Variants in RASGRP3 observed in about 807,000 individuals in gnomAD.
The protein encoded by RASGRP3 is ras guanyl-releasing protein 3.
In RASGRP3, 54 loss-of-function variants were observed where a neutral mutation model predicts 82.7. That is an observed-to-expected ratio of 0.65 (90% confidence interval 0.52 to 0.82). The LOEUF is 0.82. RASGRP3 is among the 40% of genes least tolerant of loss of function. RASGRP3 has a pLI of 0.00. For synonymous variants in RASGRP3, 309 were observed against 300.5 expected, an observed-to-expected ratio of 1.03 and a Z score of -0.29; for missense variants, 861 against 828.9, an observed-to-expected ratio of 1.04 and a Z score of -0.48.
At chr2:33,520,444 G>A in intron 5 of RASGRP3, 109 bp from the exon 6 acceptor site, 2 of 1,390,514 alleles carry the variant, frequency 1.4e-6, no homozygotes, top group Non-Finnish European at 1.0e-6. Flanking sequence ...GTGTGGTCCT[G>A]GATGGTCCTG....
At chr2:33,456,899 T>C (rs1033318238) in intron 2 of RASGRP3, among the ~76,000 whole-genome samples, 4 of 120,804 alleles carry the variant, frequency 3.3e-5, no homozygotes, top group Admixed American at 1.7e-4. Context: ...TGCTAAGTGC[T>C]TTCTATTTTT....
At chr2:33,454,700 T>A (rs1279374270) in intron 2 of RASGRP3, among the ~76,000 whole-genome samples, 1 of 152,186 alleles carries the variant, frequency 6.6e-6, no homozygotes, top group African/African-American at 2.4e-5. Context: ...ATAGGGTGTT[T>A]AGGCTGGGGG....
At chr2:33,518,679 A>ATCTT (rs1356608834) in intron 4 of RASGRP3, among the ~76,000 whole-genome samples, 1 of 152,066 alleles carries the variant, frequency 6.6e-6, no homozygotes, top group Non-Finnish European at 1.5e-5. Flanking sequence ...CTTTCTTAAT[A>ATCTT]TCTTTATTCT....
chr2:33,503,096 T>C (rs1422798732), intron 1 of RASGRP3, among the ~76,000 whole-genome samples: 2 of 152,246 alleles, frequency 1.3e-5, no homozygotes, highest in East Asian at 3.8e-4. Context: ...ATTGTTCTAA[T>C]GGAAAATATA....
intron 10 of RASGRP3, among the ~76,000 whole-genome samples, chr2:33,530,229 T>C (rs773099876): frequency 6.6e-6 from 1 of 152,166 alleles, no homozygotes; most frequent in Non-Finnish European, 1.5e-5. Context: ...CCTGAAGTGA[T>C]TGTTTTCATC....
chr2:33,470,953 C>CA (rs1206933836), intron 2 of RASGRP3, among the ~76,000 whole-genome samples: 3 of 151,986 alleles, frequency 2.0e-5, no homozygotes, highest in Admixed American at 2.0e-4. Context: ...TGCCTGGTTG[C>CA]AGTGGCTCAA....
At position 33,520,670 on chromosome 2, in the gene RASGRP3, C is replaced by A. The variant is rs745628834; in HGVS notation, c.354C>A (p.Ile118=). The change falls in exon 6 of 18, where the codon ATC becomes ATA. Residue 118 remains isoleucine, a synonymous_variant. Transcript: ENST00000403687. ...QLGYEKHVSL[I]DISSIPSYDW... ...GATATGAAAAACACGTCAGCCTCAT[C>A]GACATATCCAGCATGTAAGAGTGGC... 6.2e-7 allele frequency: 1 copy of A among 1,613,912 alleles called. No homozygotes were observed. Among genetic ancestry groups the A allele is most frequent in the Non-Finnish European group, 8.5e-7 (1 of 1,179,848 alleles).
At chr2:33,545,367 C>T (rs1444683953) in intron 13 of RASGRP3, among the ~76,000 whole-genome samples, 1 of 152,160 alleles carries the variant, frequency 6.6e-6, no homozygotes, top group Non-Finnish European at 1.5e-5. Context: ...TTAATTAGTA[C>T]TTTTGAAAAA....
chr2:33,438,102 T>G (rs1484021780), intron 1 of RASGRP3, among the ~76,000 whole-genome samples: 2 of 152,244 alleles, frequency 1.3e-5, no homozygotes, highest in Non-Finnish European at 2.9e-5. Context: ...ACGTTCACAT[T>G]TGACACATTC....
At chr2:33,483,973 A>G (rs555103498) in intron 1 of RASGRP3, among the ~76,000 whole-genome samples, 1 of 152,338 alleles carries the variant, frequency 6.6e-6, no homozygotes, top group South Asian at 2.1e-4. Context: ...GAACTCAGAC[A>G]GAGAGGTGAT....
chr2:33,476,528 T>A (rs909131933), upstream of RASGRP3: 1 of 152,236 alleles, frequency 6.6e-6, no homozygotes, highest in African/African-American at 2.4e-5. Flanking sequence ...AGGAGAAGAA[T>A]GATCTTCAGT....
intron 4 of RASGRP3, among the ~76,000 whole-genome samples, chr2:33,517,270 A>C (rs1251060477): frequency 1.3e-5 from 2 of 152,350 alleles, no homozygotes. Context: ...AGTCCAGAAA[A>C]GTGGTTGAAA....
intron 10 of RASGRP3, among the ~76,000 whole-genome samples, chr2:33,529,478 A>T (rs1672893937): frequency 6.6e-6 from 1 of 151,092 alleles, no homozygotes. Flanking sequence ...ACAGAGCGAG[A>T]CTCCATCTCA....
chr2:33,460,901 G>A (rs1178320833), intron 2 of RASGRP3, among the ~76,000 whole-genome samples: 3 of 152,212 alleles, frequency 2.0e-5, no homozygotes. Context: ...ATGTGATAAT[G>A]TGAGTATTCT....
chr2:33,554,790 GT>G (rs1403674554), intron 14 of RASGRP3, among the ~76,000 whole-genome samples: 1 of 152,060 alleles, frequency 6.6e-6, no homozygotes, highest in Non-Finnish European at 1.5e-5. Flanking sequence ...CTTCTTTATG[GT>G]GTTTAGAAGG....
At position 33,519,929 on chromosome 2, in the gene RASGRP3, T is replaced by A. The variant is rs556215136; in HGVS notation, c.174-23T>A. Reference sequence around the variant, plus strand: ...GTGCAAAGGAAAGGAGGTGCAAGGATTTTTTTTCTTTAACTGGTTTACGTA... The same window carrying A: ...GTGCAAAGGAAAGGAGGTGCAAGGAATTTTTTTCTTTAACTGGTTTACGTA... On this transcript the variant is annotated intron_variant, in intron 4 of 17. Transcript: ENST00000403687. 16 of 1,588,732 alleles carry A rather than the reference T, an allele frequency of 1.0e-5. No individual in the cohort carries two copies. The South Asian group carries it at 1.7e-4, about 17-fold the overall frequency.
chr2:33,542,260 C>G (rs1674345670), intron 12 of RASGRP3, among the ~76,000 whole-genome samples: 1 of 146,594 alleles, frequency 6.8e-6, no homozygotes, highest in African/African-American at 2.4e-5. Flanking sequence ...TGATAAATTC[C>G]TATACATACA....
chr2:33,451,754 A>G (rs1389488314), intron 2 of RASGRP3, among the ~76,000 whole-genome samples: 1 of 151,882 alleles, frequency 6.6e-6, no homozygotes, highest in Non-Finnish European at 1.5e-5. Flanking sequence ...CTGGATGCTC[A>G]TTTGCCTCTC....
At position 33,524,505 on chromosome 2, in the gene RASGRP3, G is replaced by T. The variant is rs1251452351; in HGVS notation, c.764G>T (p.Arg255Leu). 2 of 1,604,306 alleles carry T rather than the reference G, an allele frequency of 1.2e-6. No homozygotes were observed. Among genetic ancestry groups the T allele is most frequent in the Admixed American group, 1.7e-5 (1 of 58,914 alleles). Reference sequence around the variant, plus strand: ...GGCCTCAGTCATAGTTCCATTTCACGCCTCAAAGAGACCCATTCTCATCTT... The same window carrying T: ...GGCCTCAGTCATAGTTCCATTTCACTCCTCAAAGAGACCCATTCTCATCTT... Reference protein sequence around the residue: ...VGGLSHSSISRLKETHSHLSS... With the variant: ...VGGLSHSSISLLKETHSHLSS... Residue 255 changes from arginine (R) to leucine (L), a missense_variant, in exon 9 of 18, where the codon CGC becomes CTC. By Grantham distance (102) the Arg-to-Leu change is moderately radical (BLOSUM62 -2). Transcript: ENST00000403687.
Sources: gnomAD v4.1 joint callset for allele counts (sites outside exome capture counted in the v4.1 genomes callset) on GRCh38, gnomAD v4.1.1 for gene constraint, MANE v1.5 for transcripts, NCBI Gene and HGNC (gene_info 2026-07-23, HGNC 2026-07-21) for gene names.